ANAPC10: variants seen among roughly 807,000 people sequenced by gnomAD.
ANAPC10 encodes anaphase-promoting complex subunit 10.
Under a neutral mutation model 22.0 loss-of-function variants are expected in ANAPC10, and 12 were observed. That is an observed-to-expected ratio of 0.55 (90% CI 0.35 to 0.88). The LOEUF (loss-of-function observed/expected upper bound fraction) is 0.88, where lower values mean the gene tolerates loss of function less well. ANAPC10 is among the 40% of genes least tolerant of loss of function. The pLI is 0.01. For synonymous variants in ANAPC10, 65 were observed against 69.5 expected (o/e 0.94, Z 0.32); for missense variants, 188 against 220.9 (o/e 0.85, Z 0.94).
chr4:145,007,099 AT>A (rs1210239717), intron 4 of ANAPC10, among the ~76,000 whole-genome samples: 3 of 152,154 alleles, frequency 2.0e-5, no homozygotes, highest in Non-Finnish European at 4.4e-5. Flanking sequence ...ACTATCCTAA[AT>A]ATATATGCAC....
At chr4:145,089,085 T>A (rs73851360) in intron 2 of ANAPC10, among the ~76,000 whole-genome samples, 9,016 of 152,228 alleles carry the variant, frequency 0.059, 347 homozygotes, top group African/African-American at 0.11. Flanking sequence ...CCTTCCATAA[T>A]CCCACAAACT....
intron 4 of ANAPC10, among the ~76,000 whole-genome samples, chr4:145,002,360 G>C (rs1052699761): frequency 3.3e-5 from 5 of 152,142 alleles, no homozygotes; most frequent in Non-Finnish European, 5.9e-5. Context: ...TGGAAAGCAA[G>C]CTCTTCTGCC....
chr4:145,081,405 T>C (rs1745997779), intron 3 of ANAPC10: 1 of 264,730 alleles, frequency 3.8e-6, no homozygotes, highest in African/African-American at 2.2e-5. Context: ...TAAATTATAT[T>C]GAAAAGTATA....
chr4:145,014,652 C>T (rs569231133), intron 4 of ANAPC10, among the ~76,000 whole-genome samples: 2 of 152,162 alleles, frequency 1.3e-5, no homozygotes, highest in Non-Finnish European at 2.9e-5. Context: ...AAGCATTAAA[C>T]CATCAAAGCT....
chr4:145,093,264 T>G (rs1438753987), intron 2 of ANAPC10, among the ~76,000 whole-genome samples: 1 of 152,120 alleles, frequency 6.6e-6, no homozygotes, highest in African/African-American at 2.4e-5. Context: ...TTTAGAGGAA[T>G]TTGAAGCCTG....
chr4:144,997,342 G>C (rs895228787), intron 4 of ANAPC10, among the ~76,000 whole-genome samples: 2 of 152,176 alleles, frequency 1.3e-5, no homozygotes, highest in African/African-American at 4.8e-5. Flanking sequence ...AGACAGAAAG[G>C]TCGGGTTGCC....
intron 4 of ANAPC10, among the ~76,000 whole-genome samples, chr4:145,005,867 T>C (rs969189411): frequency 7.3e-5 from 11 of 151,446 alleles, no homozygotes; most frequent in African/African-American, 2.7e-4. Context: ...GATTGTTTTA[T>C]GCCTGATTGT....
intron 4 of ANAPC10, among the ~76,000 whole-genome samples, chr4:145,009,472 A>G (rs1039687220): frequency 2.0e-5 from 3 of 152,154 alleles, no homozygotes; most frequent in Non-Finnish European, 2.9e-5. Flanking sequence ...ACCAAAACAG[A>G]GATGTAGACC....
chr4:145,091,123 T>G lies in ANAPC10; in HGVS notation c.115+4862A>C, dbSNP rs150023668. On this transcript the variant is annotated intron_variant, in intron 2 of 4. Transcript: ENST00000507656. ...TATGACATTGCACTACTGAACTTCATGAATTTCATACTCAACACATTTTTA... is the reference window on the plus strand; with the variant it reads ...TATGACATTGCACTACTGAACTTCAGGAATTTCATACTCAACACATTTTTA... 2.8e-3 allele frequency among the ~76,000 whole-genome samples: 424 copies of G among 152,354 alleles called. 3 individuals carry two copies. The highest frequency in any genetic ancestry group is 9.7e-3 in the African/African-American group (404 of 41,578).
chr4:145,026,945 A>ATATATATATATATATATGTGTGTGTG (rs1287102797), intron 4 of ANAPC10, among the ~76,000 whole-genome samples: 4 of 17,156 alleles, frequency 2.3e-4, no homozygotes, highest in African/African-American at 3.1e-4. Context: ...ATATATATAT[A>ATATATATATATATATATGTGTGTGTG]TGTGTGTGTG....
chr4:145,072,644 A>G (rs1744650756), intron 3 of ANAPC10, among the ~76,000 whole-genome samples: 1 of 152,136 alleles, frequency 6.6e-6, no homozygotes, highest in South Asian at 2.1e-4. Context: ...AAAAAAATCT[A>G]CCCAATAGAG....
At chr4:145,053,464 C>A (rs2126340913) in intron 4 of ANAPC10, among the ~76,000 whole-genome samples, 1 of 152,282 alleles carries the variant, frequency 6.6e-6, no homozygotes, top group East Asian at 1.9e-4. Flanking sequence ...TAGCTGTAGG[C>A]CATCCAATTA....
At chr4:145,025,510 C>T (rs763283310) in intron 4 of ANAPC10, among the ~76,000 whole-genome samples, 12 of 151,918 alleles carry the variant, frequency 7.9e-5, no homozygotes, top group Non-Finnish European at 1.6e-4. Context: ...AGATGGGAAA[C>T]GGCTGGTTAG....
intron 4 of ANAPC10, 107 bp from the exon 5 acceptor site, chr4:144,995,710 G>A (rs35008554): frequency 1.0e-5 from 8 of 770,102 alleles, no homozygotes; most frequent in South Asian, 3.9e-5. Flanking sequence ...TTTGCTCAAC[G>A]AAAGAATGAC....
At chr4:145,047,776 G>A (rs1001999244) in intron 4 of ANAPC10, among the ~76,000 whole-genome samples, 15 of 152,096 alleles carry the variant, frequency 9.9e-5, no homozygotes, top group African/African-American at 3.6e-4. Context: ...TGTTCAACTA[G>A]ATTTTACAAA....
intron 4 of ANAPC10, among the ~76,000 whole-genome samples, chr4:145,036,453 T>A (rs1392882542): frequency 6.6e-6 from 1 of 151,992 alleles, no homozygotes; most frequent in Non-Finnish European, 1.5e-5. Context: ...TCCCAAAGAG[T>A]GAGGCAAGAG....
At chr4:145,042,905 G>GA (rs1266614549) in intron 4 of ANAPC10, among the ~76,000 whole-genome samples, 1 of 149,022 alleles carries the variant, frequency 6.7e-6, no homozygotes, top group Non-Finnish European at 1.5e-5. Context: ...AACAGGTAAA[G>GA]AAAAAATTGT....
chr4:145,019,973 C>T (rs546986488), intron 4 of ANAPC10, among the ~76,000 whole-genome samples: 13 of 152,038 alleles, frequency 8.6e-5, no homozygotes, highest in Non-Finnish European at 1.6e-4. Context: ...AAAGGCCAGG[C>T]CCAGAAATTC....
intron 2 of ANAPC10, among the ~76,000 whole-genome samples, chr4:145,082,049 T>A (rs543358853): frequency 1.6e-4 from 25 of 152,174 alleles, no homozygotes; most frequent in Non-Finnish European, 3.2e-4. Flanking sequence ...ACCCTTTTAT[T>A]CAGAGCTCAA....
Sources: gnomAD v4.1 joint callset for allele counts (sites outside exome capture counted in the v4.1 genomes callset) on GRCh38, gnomAD v4.1.1 for gene constraint, MANE v1.5 for transcripts, NCBI Gene and HGNC (gene_info 2026-07-23, HGNC 2026-07-21) for gene names.